PTPRD: variants seen among roughly 807,000 people sequenced by gnomAD.
PTPRD encodes protein tyrosine phosphatase receptor type D.
In PTPRD, 34 loss-of-function variants were observed where a neutral mutation model predicts 214.5. That is an observed-to-expected ratio of 0.16 (90% CI 0.12 to 0.21). The LOEUF is 0.21. PTPRD is among the 10% of genes least tolerant of loss of function. The pLI is 1.00. For missense variants in PTPRD, 2,545 were observed against 2,398.7 expected (o/e 1.06, Z -1.27); for synonymous variants, 1,128 against 845.7 (o/e 1.33, Z -5.79).
At chr9:8,780,370 C>CT (rs111895154) in intron 11 of PTPRD, among the ~76,000 whole-genome samples, 35,936 of 151,932 alleles carry the variant, frequency 0.24, 4,677 homozygotes, top group African/African-American at 0.36. Flanking sequence ...TGAGCTCAAC[C>CT]TGCGCTAGGC....
At chr9:9,466,037 G>A (rs1230421911) in intron 8 of PTPRD, among the ~76,000 whole-genome samples, 1 of 152,052 alleles carries the variant, frequency 6.6e-6, no homozygotes, top group Non-Finnish European at 1.5e-5. Flanking sequence ...AGCCAGGTGT[G>A]ATGGTTCACA....
chr9:8,858,064 T>TGCCGCC (rs894460288), intron 11 of PTPRD: 1 of 155,066 alleles, frequency 6.4e-6, no homozygotes, highest in East Asian at 2.0e-4. Flanking sequence ...CTTCTCTCGC[T>TGCCGCC]GCCGCCGCCG....
intron 3 of PTPRD, among the ~76,000 whole-genome samples, chr9:10,110,467 T>A (rs1478901261): frequency 6.6e-6 from 1 of 151,814 alleles, no homozygotes; most frequent in African/African-American, 2.4e-5. Context: ...GCTGCCTTCC[T>A]CTCCCAACAA....
At chr9:9,014,707 GA>G (rs1417612596) in intron 11 of PTPRD, among the ~76,000 whole-genome samples, 1 of 152,110 alleles carries the variant, frequency 6.6e-6, no homozygotes, top group African/African-American at 2.4e-5. Context: ...TATTGTGTAT[GA>G]ACATGATGAA....
At chr9:9,246,498 C>G (rs2099973115) in intron 9 of PTPRD, among the ~76,000 whole-genome samples, 1 of 152,052 alleles carries the variant, frequency 6.6e-6, no homozygotes, top group African/African-American at 2.4e-5. Context: ...TTCCTGCCTC[C>G]ACTCCCACAG....
intron 2 of PTPRD, among the ~76,000 whole-genome samples, chr9:10,460,619 G>A (rs1348283353): frequency 6.6e-6 from 1 of 152,012 alleles, no homozygotes; most frequent in Non-Finnish European, 1.5e-5. Context: ...ATACACATGA[G>A]GAAAGGACAA....
At chr9:9,274,806 C>G (rs1011752080) in intron 9 of PTPRD, among the ~76,000 whole-genome samples, 1 of 149,682 alleles carries the variant, frequency 6.7e-6, no homozygotes, top group African/African-American at 2.4e-5. Flanking sequence ...ATTATTAAAC[C>G]AGCATCTCTC....
intron 3 of PTPRD, among the ~76,000 whole-genome samples, chr9:10,142,860 G>C (rs973967631): frequency 9.6e-5 from 14 of 145,598 alleles, no homozygotes; most frequent in Non-Finnish European, 1.8e-4. Context: ...CAATAGCAAA[G>C]ACTTGGAACC....
intron 11 of PTPRD, among the ~76,000 whole-genome samples, chr9:8,910,037 T>G (rs538612541): frequency 1.3e-5 from 2 of 151,458 alleles, no homozygotes; most frequent in Non-Finnish European, 2.9e-5. Flanking sequence ...TTATTTATTA[T>G]TTATTTATTT....
At chr9:9,760,643 CACACACACACATAT>C (rs760919601) in intron 6 of PTPRD, among the ~76,000 whole-genome samples, 2 of 129,568 alleles carry the variant, frequency 1.5e-5, no homozygotes, top group African/African-American at 3.5e-5. Context: ...CACACACACA[CACACACACACATAT>C]ATATATATAT....
At chr9:9,550,412 T>C (rs914404547) in intron 8 of PTPRD, among the ~76,000 whole-genome samples, 13 of 121,028 alleles carry the variant, frequency 1.1e-4, no homozygotes, top group South Asian at 8.0e-4. Context: ...ATGTATAATT[T>C]TATATATAAA....
intron 2 of PTPRD, among the ~76,000 whole-genome samples, chr9:10,439,793 C>T (rs536276091): frequency 1.3e-4 from 19 of 151,760 alleles, no homozygotes; most frequent in Admixed American, 4.0e-4. Flanking sequence ...GCCAAGGGAG[C>T]AAGTAATAGG....
intron 5 of PTPRD, chr9:9,800,673 T>C (rs1383526531): frequency 6.6e-6 from 1 of 152,318 alleles, no homozygotes; most frequent in East Asian, 1.9e-4. Flanking sequence ...TGTCAGCACA[T>C]GGTAAGTACC....
At chr9:8,615,994 C>A (rs2095599708) in intron 14 of PTPRD, among the ~76,000 whole-genome samples, 1 of 152,118 alleles carries the variant, frequency 6.6e-6, no homozygotes, top group Non-Finnish European at 1.5e-5. Flanking sequence ...AAAACAATTC[C>A]TTTTCTATTA....
intron 9 of PTPRD, among the ~76,000 whole-genome samples, chr9:9,234,751 T>C (rs2099965482): frequency 6.6e-6 from 1 of 152,132 alleles, no homozygotes; most frequent in Non-Finnish European, 1.5e-5. Context: ...TCCCAAAAAG[T>C]TCCTCATCTC....
chr9:10,094,813 C>T (rs2098467000), intron 3 of PTPRD, among the ~76,000 whole-genome samples: 2 of 151,338 alleles, frequency 1.3e-5, no homozygotes, highest in South Asian at 4.1e-4. Flanking sequence ...GTTTTGACAA[C>T]CAACAGTGAA....
At chr9:9,676,242 C>T (rs953055055) in intron 7 of PTPRD, among the ~76,000 whole-genome samples, 4 of 151,796 alleles carry the variant, frequency 2.6e-5, no homozygotes, top group Non-Finnish European at 5.9e-5. Context: ...CGTCATTTAA[C>T]GTTAGGTGTA....
Position 8,722,123 on chromosome 9 carries a change from C to CTGTGTGTGTGTGTGTG in PTPRD, c.64+11641_64+11656dup, listed in dbSNP as rs34720946. Among the ~76,000 whole-genome samples, 899 of 147,458 alleles carry CTGTGTGTGTGTGTGTG rather than the reference C, an allele frequency of 6.1e-3. 1 individual carries two copies. Among genetic ancestry groups the CTGTGTGTGTGTGTGTG allele is most frequent in the African/African-American group, 0.014 (566 of 40,398 alleles). On this transcript the variant is annotated intron_variant, in intron 12 of 45. Transcript: ENST00000381196. ...ATTTCTCCATACATTAAGTATTACT[C>CTGTGTGTGTGTGTGTG]TGTGTGTGTGTGTGTGTGTGTGTGT... is the stretch of plus-strand genomic sequence containing the variant.
chr9:10,119,703 G>T lies in PTPRD; in HGVS notation c.-544-85913C>A, dbSNP rs148109595. 4.0e-4 allele frequency among the ~76,000 whole-genome samples: 61 copies of T among 152,072 alleles called. No homozygotes were observed. In the East Asian group the frequency reaches 0.012, roughly 29 times the overall value. On this transcript the variant is annotated intron_variant, in intron 3 of 45. Coordinates refer to ENST00000381196, the MANE Select transcript of PTPRD (RefSeq NM_002839.4). ...ATAATTTAAAAGTAGATGCAAAACTGATGTGTTCCACAGCAAGAAGGGAAA... is the reference window on the plus strand; with the variant it reads ...ATAATTTAAAAGTAGATGCAAAACTTATGTGTTCCACAGCAAGAAGGGAAA...
Sources: gnomAD v4.1 joint callset for allele counts (sites outside exome capture counted in the v4.1 genomes callset) on GRCh38, gnomAD v4.1.1 for gene constraint, MANE v1.5 for transcripts, NCBI Gene and HGNC (gene_info 2026-07-23, HGNC 2026-07-21) for gene names.